DGKB: variants seen among roughly 807,000 people sequenced by gnomAD.
DGKB encodes diacylglycerol kinase beta, also known as 90 kDa diacylglycerol kinase.
A neutral mutation model predicts 114.3 loss-of-function variants in DGKB; 67 were observed. The ratio of observed to expected loss-of-function variants is 0.59; its 90% CI spans 0.48 to 0.72. DGKB has a LOEUF of 0.72. DGKB is among the 30% of genes least tolerant of loss of function. The pLI is 0.00. For missense variants in DGKB, 907 were observed against 975.2 expected, an observed-to-expected ratio of 0.93 and a Z score of 0.93; for synonymous variants, 398 against 323.1, an observed-to-expected ratio of 1.23 and a Z score of -2.49.
intron 23 of DGKB, among the ~76,000 whole-genome samples, chr7:14,192,436 A>C (rs1049763186): frequency 6.6e-6 from 1 of 152,200 alleles, no homozygotes; most frequent in African/African-American, 2.4e-5. Flanking sequence ...AAAACTGTAA[A>C]ACTTTGATGA....
At chr7:14,862,456 T>A (rs535694188) in intron 1 of DGKB, among the ~76,000 whole-genome samples, 16 of 152,230 alleles carry the variant, frequency 1.1e-4, no homozygotes, top group African/African-American at 2.6e-4. Flanking sequence ...AATTTATGTT[T>A]ATTTAGTGGT....
intron 2 of DGKB, among the ~76,000 whole-genome samples, chr7:14,769,344 T>C (rs1214150432): frequency 2.6e-5 from 4 of 152,110 alleles, no homozygotes; most frequent in African/African-American, 4.8e-5. Context: ...TTATAGTCCA[T>C]GCAACATTGC....
chr7:14,679,082 T>C (rs982727088), intron 12 of DGKB, among the ~76,000 whole-genome samples: 1 of 151,966 alleles, frequency 6.6e-6, no homozygotes, highest in Non-Finnish European at 1.5e-5. Context: ...CTGGATGTTT[T>C]TTTGAGTGCA....
chr7:14,501,281 A>T (rs1786128011), intron 20 of DGKB, among the ~76,000 whole-genome samples: 1 of 151,934 alleles, frequency 6.6e-6, no homozygotes, highest in African/African-American at 2.4e-5. Context: ...GGATTCAATT[A>T]ATAGGGATCT....
chr7:14,739,653 G>A (rs1006462657), intron 4 of DGKB, among the ~76,000 whole-genome samples: 1 of 152,142 alleles, frequency 6.6e-6, no homozygotes, highest in Non-Finnish European at 1.5e-5. Context: ...GAGGAAGAGC[G>A]AGTAAAATGC....
At chr7:14,196,166 G>T (rs1350716118) in intron 23 of DGKB, among the ~76,000 whole-genome samples, 1 of 152,030 alleles carries the variant, frequency 6.6e-6, no homozygotes, top group African/African-American at 2.4e-5. Flanking sequence ...AAGGAGTTTT[G>T]CTGTTAATGC....
At position 14,491,165 on chromosome 7, in the gene DGKB, C is replaced by T. The variant is rs528792543; in HGVS notation, c.1771-12940G>A. Among the ~76,000 whole-genome samples the T allele has an allele frequency of 1.2e-4, 19 of 152,028 alleles. No homozygotes were observed. In the East Asian group the frequency reaches 2.9e-3, roughly 23 times the overall value. Reference sequence around the variant, plus strand: ...CCAAATCTCATCCTGAATTTTAGTTCCCATAATTCCCATGTGTTATGAGAG... The same window carrying T: ...CCAAATCTCATCCTGAATTTTAGTTTCCATAATTCCCATGTGTTATGAGAG... On this transcript the variant is annotated intron_variant, in intron 20 of 25. Coordinates refer to ENST00000402815, the MANE Select transcript of DGKB (RefSeq NM_001350709.2).
Position 14,685,277 on chromosome 7 carries a change from A to G in DGKB, c.797T>C (p.Ile266Thr), listed in dbSNP as rs1821485998. Residue 266 changes from isoleucine (I) to threonine (T), a missense_variant, in exon 10 of 26, where the codon ATT becomes ACT. Ile to Thr is a moderately conservative substitution (Grantham distance 89). Around this residue, in one of 3 missense-constraint regions of DGKB, gnomAD observed 814 missense variants for 856.6 expected, o/e 0.95. Transcript: ENST00000402815. ...GCAGAGGCCCTGCTTCCCCACGCCAATCAGCATGTTCAGGCAAAGGTTGCA... is the reference window on the plus strand; with the variant it reads ...GCAGAGGCCCTGCTTCCCCACGCCAGTCAGCATGTTCAGGCAAAGGTTGCA... ...AYCNLCLNML[I>T]GVGKQGLCCS... 1.2e-6 allele frequency: 2 copies of G among 1,613,764 alleles called. No individual in the cohort carries two copies. Among genetic ancestry groups the G allele is most frequent in the Non-Finnish European group, 1.7e-6 (2 of 1,179,696 alleles).
intron 23 of DGKB, among the ~76,000 whole-genome samples, chr7:14,225,824 A>C (rs988544995): frequency 6.6e-6 from 1 of 152,122 alleles, no homozygotes; most frequent in Non-Finnish European, 1.5e-5. Flanking sequence ...TAGTCAGTCA[A>C]ATTTATGATA....
chr7:14,826,643 C>T (rs1845742252), intron 2 of DGKB, among the ~76,000 whole-genome samples: 1 of 152,092 alleles, frequency 6.6e-6, no homozygotes, highest in South Asian at 2.1e-4. Context: ...AACCATGACC[C>T]TGTAGTTTAA....
chr7:14,594,323 T>A (rs1802185541), intron 17 of DGKB, among the ~76,000 whole-genome samples: 1 of 152,026 alleles, frequency 6.6e-6, no homozygotes, highest in African/African-American at 2.4e-5. Flanking sequence ...TGAATATGCA[T>A]AAGTTATGTG....
chr7:14,425,322 G>A lies in DGKB; in HGVS notation c.1835+52839C>T, dbSNP rs536005085. Among the ~76,000 whole-genome samples, 33 of 151,854 alleles carry A rather than the reference G, an allele frequency of 2.2e-4. 1 individual carries two copies. The highest frequency in any genetic ancestry group is 1.5e-3 in the South Asian group (7 of 4,806). ...TCTTTGCAATGTACCATTATACTAA[G>A]GCCATAATAAAAATTCTCACTTGTC... On this transcript the variant is annotated intron_variant, in intron 21 of 25. Transcript: ENST00000402815.
At chr7:14,246,486 A>G (rs1377928085) in intron 23 of DGKB, among the ~76,000 whole-genome samples, 1 of 152,160 alleles carries the variant, frequency 6.6e-6, no homozygotes, top group African/African-American at 2.4e-5. Flanking sequence ...TGGGCTGACA[A>G]TACTTAAATC....
intron 21 of DGKB, among the ~76,000 whole-genome samples, chr7:14,368,548 G>C (rs778425011): frequency 1.3e-5 from 2 of 151,174 alleles, no homozygotes; most frequent in Non-Finnish European, 2.9e-5. Context: ...CAGAAATGAA[G>C]AAACAGATGC....
At chr7:14,801,282 C>A in intron 2 of DGKB, among the ~76,000 whole-genome samples, 1 of 152,050 alleles carries the variant, frequency 6.6e-6, no homozygotes, top group Non-Finnish European at 1.5e-5. Flanking sequence ...TCATGTTAGG[C>A]AGAATTATGA....
intron 2 of DGKB, among the ~76,000 whole-genome samples, chr7:14,772,922 A>C (rs1291924212): frequency 6.6e-6 from 1 of 151,346 alleles, no homozygotes; most frequent in Non-Finnish European, 1.5e-5. Flanking sequence ...CACTGACTAC[A>C]TCTTCCAGCT....
chr7:14,206,169 G>A (rs1025650172), intron 23 of DGKB, among the ~76,000 whole-genome samples: 21 of 151,998 alleles, frequency 1.4e-4, no homozygotes, highest in African/African-American at 4.8e-4. Context: ...AGACTGTAAA[G>A]AGATGTGGAA....
chr7:14,442,450 TA>T (rs1357764954), intron 21 of DGKB, among the ~76,000 whole-genome samples: 2 of 152,108 alleles, frequency 1.3e-5, no homozygotes, highest in Non-Finnish European at 2.9e-5. Flanking sequence ...AACAAATATC[TA>T]ATTTTGTTTA....
chr7:14,218,250 T>C (rs1789323592), intron 23 of DGKB, among the ~76,000 whole-genome samples: 1 of 152,052 alleles, frequency 6.6e-6, no homozygotes, highest in Non-Finnish European at 1.5e-5. Context: ...GAATTTGAAA[T>C]ATTTTCCAAA....
Sources: gnomAD v4.1 joint callset for allele counts (sites outside exome capture counted in the v4.1 genomes callset) on GRCh38, gnomAD v4.1.1 for gene constraint, gnomAD v4.1.1 regional missense constraint, MANE v1.5 for transcripts, NCBI Gene and HGNC (gene_info 2026-07-23, HGNC 2026-07-21) for gene names.